The following VAV1 variants were observed in gnomAD, a reference collection of about 807,000 sequenced individuals.
VAV1 encodes proto-oncogene vav.
In VAV1, 33 loss-of-function variants were observed where a neutral mutation model predicts 128.1. The ratio of observed to expected loss-of-function variants is 0.26; its 90% CI spans 0.20 to 0.34. The LOEUF (loss-of-function observed/expected upper bound fraction) is 0.34. Ranked by LOEUF, VAV1 falls within the 10% of genes least tolerant of loss-of-function variation. VAV1 has a pLI of 1.00. For missense variants in VAV1, 715 were observed against 1,093.7 expected (o/e 0.65, Z 4.88); for synonymous variants, 394 against 409.8 (o/e 0.96, Z 0.47).
intron 26 of VAV1, 25 bp downstream of exon 26, chr19:6,854,123 G>A (rs370227615): frequency 7.5e-6 from 12 of 1,609,752 alleles, no homozygotes; most frequent in East Asian, 6.7e-5. Context: ...GCTGGGTGAC[G>A]GGGAGGGCAT....
intron 21 of VAV1, among the ~76,000 whole-genome samples, chr19:6,837,513 C>T (rs1972252225): frequency 6.6e-6 from 1 of 151,938 alleles, no homozygotes; most frequent in Admixed American, 6.6e-5. Context: ...CAGATCTCTC[C>T]CTCTCTCCCC....
At position 6,772,731 on chromosome 19, in the gene VAV1, C is replaced by G; in HGVS notation, c.-77C>G. 4 of 1,481,786 alleles carry G rather than the reference C, an allele frequency of 2.7e-6. No homozygotes were observed. The South Asian group carries it at 5.0e-5, about 18-fold the overall frequency. 91.8% of individuals were successfully genotyped at this position (1,481,786 alleles called of 1,614,324 possible). On this transcript the variant is annotated 5_prime_UTR_variant, in exon 1 of 27. Transcript: ENST00000602142. The surrounding 1 kb of genome is among the most constrained non-coding windows in gnomAD (Gnocchi z 4.8). ...GTAGCACTAGCTGTCGCTCCACAGG[C>G]GAGCAGGGCAGGCGTGCGGGCGGGT...
intron 1 of VAV1, among the ~76,000 whole-genome samples, chr19:6,808,289 G>A (rs879396555): frequency 8.6e-5 from 13 of 151,876 alleles, no homozygotes; most frequent in African/African-American, 1.2e-4. Flanking sequence ...TCCAGCCTGG[G>A]AGACAAGAGT....
At position 6,822,134 on chromosome 19, in the gene VAV1, G is replaced by A. The variant is rs56044916; in HGVS notation, c.450-87G>A. 7.5e-4 allele frequency: 1,016 copies of A among 1,354,508 alleles called. 5 individuals carry two copies. The African/African-American group carries it at 0.012, about 16-fold the overall frequency. 83.9% of individuals were successfully genotyped at this position (1,354,508 alleles called of 1,614,324 possible). ...CTGAGGTCCCACCCTTGGAGTCTTGGGGGGACAAAGCCCTGCGCTGGGGTC... is the reference window on the plus strand; with the variant it reads ...CTGAGGTCCCACCCTTGGAGTCTTGAGGGGACAAAGCCCTGCGCTGGGGTC... On this transcript the variant is annotated intron_variant, in intron 4 of 26. Transcript: ENST00000602142. This position sits in a 1 kb window ranked among gnomAD's most constrained non-coding sequence, Gnocchi z 5.9.
Position 6,825,287 on chromosome 19 carries a change from C to A in VAV1, c.724-16C>A, listed in dbSNP as rs759206485. ...CCTGGGCTCTGGTCCCAGCCCTCAC[C>A]CTTCCCTCCGAGTAGGACCTGCTTC... On this transcript the variant is annotated splice_polypyrimidine_tract_variant and intron_variant, in intron 7 of 26. Coordinates refer to ENST00000602142, the MANE Select transcript of VAV1 (RefSeq NM_005428.4). 3 of 1,608,028 alleles carry A rather than the reference C, an allele frequency of 1.9e-6. No individual in the cohort carries two copies. The highest frequency in any genetic ancestry group is 1.7e-5 in the Admixed American group (1 of 59,936).
At chr19:6,781,264 G>C (rs1238991385) in intron 1 of VAV1, among the ~76,000 whole-genome samples, 3 of 152,158 alleles carry the variant, frequency 2.0e-5, no homozygotes, top group African/African-American at 7.2e-5. Context: ...CGAAGTGCTA[G>C]CCAATCTTTG....
chr19:6,833,933 A>T lies in VAV1; in HGVS notation c.1757A>T (p.Asp586Val). 6.2e-7 allele frequency: 1 copy of T among 1,614,032 alleles called. No individual in the cohort carries two copies. The highest frequency in any genetic ancestry group is 2.2e-5 in the East Asian group (1 of 44,860). ...KKDKLHRRAQ[D>V]KKRNELGLPK... ...GACAAACTACATCGCAGGGCTCAGGACAAAAAGAGGAATGAGCTGGGTGAG... is the reference window on the plus strand; with the variant it reads ...GACAAACTACATCGCAGGGCTCAGGTCAAAAAGAGGAATGAGCTGGGTGAG... Residue 586 changes from aspartate (D) to valine (V), a missense_variant, in exon 19 of 27, where the codon GAC becomes GTC. By Grantham distance (152) the Asp-to-Val change is radical. This residue lies in a region of VAV1 where 407 missense variants were observed against 580.6 expected (regional missense o/e 0.70). Transcript: ENST00000602142.
chr19:6,845,853 T>C (rs1413862862), intron 22 of VAV1, among the ~76,000 whole-genome samples: 2 of 148,038 alleles, frequency 1.4e-5, no homozygotes, highest in Admixed American at 6.7e-5. Context: ...TCTTATCACA[T>C]ATTATACCAT....
chr19:6,831,716 A>G (rs1430542048), intron 14 of VAV1, among the ~76,000 whole-genome samples: 1 of 152,044 alleles, frequency 6.6e-6, no homozygotes. Context: ...AGCTCTGGGG[A>G]CCACATCCTA....
intron 1 of VAV1, among the ~76,000 whole-genome samples, chr19:6,796,435 T>TCCTC (rs111630254): frequency 0.3 from 45,051 of 151,166 alleles, 10,328 homozygotes; most frequent in African/African-American, 0.65. Flanking sequence ...TTCACTCCCT[T>TCCTC]CCTCCCTCCC....
At chr19:6,856,973 G>A in intron 26 of VAV1, 81 bp from the exon 27 acceptor site, 1 of 1,317,368 alleles carries the variant, frequency 7.6e-7, no homozygotes, top group Non-Finnish European at 1.1e-6. Flanking sequence ...CCCTGAGGTG[G>A]GAGGGAGCCT....
chr19:6,812,122 T>C (rs1001898123), intron 1 of VAV1, among the ~76,000 whole-genome samples: 1 of 152,226 alleles, frequency 6.6e-6, no homozygotes, highest in Admixed American at 6.5e-5. Context: ...ATGCAGTCCT[T>C]AGCTGGGCAG....
At chr19:6,781,741 G>C (rs915832514) in intron 1 of VAV1, among the ~76,000 whole-genome samples, 4 of 151,880 alleles carry the variant, frequency 2.6e-5, no homozygotes, top group African/African-American at 9.7e-5. Flanking sequence ...ACAAGTAGCT[G>C]AGATTACAGG....
Position 6,777,946 on chromosome 19 carries a change from G to A in VAV1, c.204+4935G>A, listed in dbSNP as rs754263910. The stretch of plus-strand genomic sequence containing the variant: ...CTCCTGAGTATCTGGGATTACAGGC[G>A]CCTGCCACCACGCCTGGCTAATTTC... On this transcript the variant is annotated intron_variant, in intron 1 of 26. Coordinates refer to ENST00000602142, the MANE Select transcript of VAV1 (RefSeq NM_005428.4). This position sits in a 1 kb window ranked among gnomAD's most constrained non-coding sequence, Gnocchi z 4.4. 9.2e-5 allele frequency among the ~76,000 whole-genome samples: 14 copies of A among 151,998 alleles called. No individual in the cohort carries two copies. The highest frequency in any genetic ancestry group is 1.6e-4 in the Non-Finnish European group (11 of 67,986).
chr19:6,824,468 A>C (rs1301576556), intron 6 of VAV1, among the ~76,000 whole-genome samples: 1 of 152,144 alleles, frequency 6.6e-6, no homozygotes, highest in African/African-American at 2.4e-5. Context: ...TCCACATTGT[A>C]GCCTGTGTCA....
chr19:6,789,260 C>CTTTTTTTTTTTTTTTTTTTTTTTTTT (rs771682522), intron 1 of VAV1, among the ~76,000 whole-genome samples: 1 of 144,936 alleles, frequency 6.9e-6, no homozygotes, highest in African/African-American at 2.5e-5. Flanking sequence ...CTCCTTTCTT[C>CTTTTTTTTTTTTTTTTTTTTTTTTTT]TTTTTTTTTT....
chr19:6,816,021 T>TTTA (rs1971636794), intron 1 of VAV1, among the ~76,000 whole-genome samples: 1 of 149,772 alleles, frequency 6.7e-6, no homozygotes. Flanking sequence ...CTACAAATTT[T>TTTA]TTTTTTTTTT....
intron 1 of VAV1, among the ~76,000 whole-genome samples, chr19:6,814,735 T>TCCTTC (rs753505869): frequency 6.9e-6 from 1 of 145,364 alleles, no homozygotes; most frequent in South Asian, 2.2e-4. Context: ...TTTCTTTCCT[T>TCCTTC]TTTCCCTCTG....
intron 19 of VAV1, 129 bp downstream of exon 19, chr19:6,834,082 A>C: frequency 7.4e-7 from 1 of 1,347,020 alleles, no homozygotes; most frequent in East Asian, 2.4e-5. Flanking sequence ...CACACCTGTA[A>C]TCCCAACAAT....
Sources: gnomAD v4.1 joint callset for allele counts (sites outside exome capture counted in the v4.1 genomes callset) on GRCh38, gnomAD v4.1.1 for gene constraint, gnomAD v4.1.1 regional missense constraint, Gnocchi (gnomAD v3.1) non-coding constraint, MANE v1.5 for transcripts, NCBI Gene and HGNC (gene_info 2026-07-23, HGNC 2026-07-21) for gene names.